ELFN2: variants seen among roughly 807,000 people sequenced by gnomAD.
ELFN2 encodes the protein extracellular leucine rich repeat and fibronectin type III domain containing 2.
Under a neutral mutation model 45.5 loss-of-function variants are expected in ELFN2, and 17 were observed. That is an observed-to-expected ratio of 0.37 (90% CI 0.26 to 0.56). The LOEUF (loss-of-function observed/expected upper bound fraction) is 0.56, where lower values mean the gene tolerates loss of function less well. Ranked by LOEUF, ELFN2 falls within the 20% of genes least tolerant of loss-of-function variation. The pLI, the probability that ELFN2 is intolerant of heterozygous loss-of-function variation, is 0.77. For synonymous variants in ELFN2, 550 were observed against 551.5 expected, an observed-to-expected ratio of 1.00 and a Z score of 0.04; for missense variants, 922 against 1,183.2, an observed-to-expected ratio of 0.78 and a Z score of 3.24.
At chr22:37,341,077 GGA>G (rs1382617589) in intron 2 of ELFN2, 1 of 152,638 alleles carries the variant, frequency 6.6e-6, no homozygotes, top group African/African-American at 2.4e-5. Context: ...AGAGAAAGAG[GGA>G]GAGACAGCAA....
chr22:37,353,706 T>C lies in ELFN2; in HGVS notation n.149-11003A>G, dbSNP rs1930879214. ...AGGGAAATGCGAATTAAAATCACAG[T>C]GATTAGCAATTTACACACCCACCAG... is the stretch of plus-strand genomic sequence containing the variant. On this transcript the variant is annotated intron_variant and non_coding_transcript_variant, in intron 1 of 2. Transcript: ENST00000452946. 2 of 150,816 alleles carry C rather than the reference T, an allele frequency of 1.3e-5. 1 individual carries two copies. Among genetic ancestry groups the C allele is most frequent in the African/African-American group, 4.8e-5 (2 of 41,338 alleles). 9.3% of individuals were successfully genotyped at this position (150,816 alleles called of 1,614,324 possible).
intron 2 of ELFN2, among the ~76,000 whole-genome samples, chr22:37,409,347 C>T (rs766740420): frequency 1.4e-4 from 22 of 152,218 alleles, no homozygotes; most frequent in Non-Finnish European, 2.2e-4. Context: ...TCCTGGGATG[C>T]AGCAGGTGGA....
intron 2 of ELFN2, among the ~76,000 whole-genome samples, chr22:37,376,396 G>A (rs1306041376): frequency 8.0e-6 from 1 of 124,662 alleles, no homozygotes; most frequent in East Asian, 2.2e-4. Context: ...TGCACACGCA[G>A]ACAGCTACAC....
chr22:37,379,343 C>T (rs1009744257), intron 2 of ELFN2, among the ~76,000 whole-genome samples: 1 of 152,132 alleles, frequency 6.6e-6, no homozygotes, highest in East Asian at 1.9e-4. Context: ...GCAGTGGAAG[C>T]AGCTGTGGGG....
At chr22:37,397,636 G>A (rs892797156) in intron 2 of ELFN2, among the ~76,000 whole-genome samples, 8 of 152,170 alleles carry the variant, frequency 5.3e-5, no homozygotes, top group African/African-American at 1.7e-4. Flanking sequence ...TGGGAGCCCC[G>A]CGTGACCTTC....
chr22:37,383,845 C>T (rs1281829687), intron 2 of ELFN2, among the ~76,000 whole-genome samples: 1 of 152,184 alleles, frequency 6.6e-6, no homozygotes, highest in Admixed American at 6.5e-5. Flanking sequence ...GGCCTTGGTG[C>T]TTTGGACGCG....
At chr22:37,381,774 G>C (rs938232038) in intron 2 of ELFN2, among the ~76,000 whole-genome samples, 7 of 151,930 alleles carry the variant, frequency 4.6e-5, no homozygotes, top group Admixed American at 3.9e-4. Flanking sequence ...ATGCTGTGTG[G>C]AGTGAGAGCT....
chr22:37,369,085 G>A lies in ELFN2; in HGVS notation c.*3987C>T, dbSNP rs1338800329. 6.6e-6 allele frequency: 1 copy of A among 152,102 alleles called. No individual in the cohort carries two copies. Among genetic ancestry groups the A allele is most frequent in the Non-Finnish European group, 1.5e-5 (1 of 68,034 alleles). 9.4% of individuals were successfully genotyped at this position (152,102 alleles called of 1,614,324 possible). A position where few individuals can be genotyped will look rare whatever the true frequency, so the allele number is the denominator to read the frequency against. On this transcript the variant is annotated 3_prime_UTR_variant, in exon 3 of 3. Transcript: ENST00000402918. Reference sequence around the variant, plus strand: ...TTAGGCCCCTTATAAGCTAGGACCTGTCACTGGTGTCCTTAATTCCTGATG... The same window carrying A: ...TTAGGCCCCTTATAAGCTAGGACCTATCACTGGTGTCCTTAATTCCTGATG...
At chr22:37,419,677 T>C (rs1157648968) in intron 1 of ELFN2, among the ~76,000 whole-genome samples, 2 of 151,716 alleles carry the variant, frequency 1.3e-5, no homozygotes, top group African/African-American at 4.8e-5. Context: ...CGCCAAAACA[T>C]ACATGCCCCA....
intron 1 of ELFN2, among the ~76,000 whole-genome samples, chr22:37,418,241 G>A (rs1932781188): frequency 6.6e-6 from 1 of 151,982 alleles, no homozygotes; most frequent in Non-Finnish European, 1.5e-5. Context: ...GCACTGAGAT[G>A]GAGAGATGGG....
At chr22:37,421,992 G>A (rs749779599) in intron 1 of ELFN2, among the ~76,000 whole-genome samples, 1 of 152,204 alleles carries the variant, frequency 6.6e-6, no homozygotes, top group Non-Finnish European at 1.5e-5. Flanking sequence ...CTGAGTCTTG[G>A]GACTAGGCCC....
intron 2 of ELFN2, among the ~76,000 whole-genome samples, chr22:37,378,565 C>T (rs1461050157): frequency 1.3e-5 from 2 of 152,244 alleles, no homozygotes; most frequent in East Asian, 1.9e-4. Flanking sequence ...AGAGGCCCGC[C>T]GTGCCCCAAG....
At chr22:37,361,493 T>C (rs1280659502) in intron 1 of ELFN2, among the ~76,000 whole-genome samples, 1 of 152,010 alleles carries the variant, frequency 6.6e-6, no homozygotes, top group African/African-American at 2.4e-5. Context: ...TTCCCTCCTC[T>C]GTGAGCAGCC....
At chr22:37,355,097 G>A (rs1486462004) in intron 1 of ELFN2, among the ~76,000 whole-genome samples, 2 of 152,086 alleles carry the variant, frequency 1.3e-5, no homozygotes, top group African/African-American at 2.4e-5. Flanking sequence ...TCTTTTCGGC[G>A]CTCTGCTGTG....
intron 1 of ELFN2, among the ~76,000 whole-genome samples, chr22:37,422,276 A>G (rs1932814183): frequency 2.0e-5 from 3 of 152,124 alleles, no homozygotes; most frequent in Admixed American, 6.5e-5. Flanking sequence ...AAGGGGGAGG[A>G]AAATAATGGC....
Position 37,373,170 on chromosome 22 carries a change from C to G in ELFN2, c.2365G>C (p.Gly789Arg), listed in dbSNP as rs1454489838. The G allele has an allele frequency of 6.2e-7, 1 of 1,613,666 alleles. No individual in the cohort carries two copies. Residue 789 changes from glycine (G) to arginine (R), a missense_variant, in exon 3 of 3, where the codon GGT (glycine) becomes CGT (arginine). Physicochemically the swap from Gly to Arg is moderately radical, Grantham distance 125. Transcript: ENST00000402918. Reference sequence around the variant, plus strand: ...TGGACCTTCTTGCGCAGGGCGTGACCGGCGGCCATGTACACCTCCTCCCGG... The same window carrying G: ...TGGACCTTCTTGCGCAGGGCGTGACGGGCGGCCATGTACACCTCCTCCCGG... ...HHREEVYMAA[G>R]HALRKKVQFA...
intron 1 of ELFN2, among the ~76,000 whole-genome samples, chr22:37,361,823 C>T (rs747076455): frequency 6.6e-5 from 10 of 152,336 alleles, no homozygotes; most frequent in Non-Finnish European, 1.3e-4. Context: ...TTTCAAATTC[C>T]TGGCCTCCCT....
chr22:37,419,691 A>G (rs565637878), intron 1 of ELFN2, among the ~76,000 whole-genome samples: 52 of 152,254 alleles, frequency 3.4e-4, no homozygotes, highest in African/African-American at 1.3e-3. Context: ...TGCCCCAAGC[A>G]TGCCCACACA....
chr22:37,378,880 C>T lies in ELFN2; in HGVS notation c.-462-2884G>A, dbSNP rs1047080178. On this transcript the variant is annotated intron_variant, in intron 2 of 2. Coordinates refer to ENST00000402918, the MANE Select transcript of ELFN2 (RefSeq NM_052906.5). ...GGCCCCTAGCCCAGCTGTTCACGCA[C>T]TCAAGGTGTGGGGGGTGGGGGCAGC... Among the ~76,000 whole-genome samples the T allele has an allele frequency of 1.3e-5, 2 of 152,274 alleles. 1 individual carries two copies. Among genetic ancestry groups the T allele is most frequent in the South Asian group, 4.1e-4 (2 of 4,834 alleles).
Sources: gnomAD v4.1 joint callset for allele counts (sites outside exome capture counted in the v4.1 genomes callset) on GRCh38, gnomAD v4.1.1 for gene constraint, MANE v1.5 for transcripts, NCBI Gene and HGNC (gene_info 2026-07-23, HGNC 2026-07-21) for gene names.